LAMA1: variants seen among roughly 807,000 people sequenced by gnomAD.
LAMA1 encodes the protein laminin subunit alpha 1.
LAMA1 carries 219 observed loss-of-function variants against 348.7 expected under a neutral mutation model. That is an observed-to-expected ratio of 0.63 (90% CI 0.56 to 0.70). The LOEUF (loss-of-function observed/expected upper bound fraction) is 0.70. LAMA1 is among the 30% of genes least tolerant of loss of function. The pLI is 0.00. For missense variants in LAMA1, 3,744 were observed against 3,888.0 expected (o/e 0.96, Z 0.99); for synonymous variants, 1,487 against 1,491.0 (o/e 1.00, Z 0.06).
chr18:7,042,119 A>G (rs773297677), intron 9 of LAMA1, 26 bp downstream of exon 9: 2 of 1,485,590 alleles, frequency 1.3e-6, no homozygotes, highest in South Asian at 1.2e-5. Flanking sequence ...ATCAATTACA[A>G]GCACAAAAGT....
rs2143782613 is a variant in LAMA1, at chr18:7,080,091, T to C, written c.233-4A>G. On this transcript the variant is annotated splice_polypyrimidine_tract_variant and splice_region_variant and intron_variant, in intron 2 of 62. Transcript: ENST00000389658. ...GCATGTGATATTGGATGGCGTTCTG[T>C]TGAAAGAAAATAAAAAACATGAATT... is the stretch of plus-strand genomic sequence containing the variant. 1 of 1,610,226 alleles carries C rather than the reference T, an allele frequency of 6.2e-7. No homozygotes were observed. The highest frequency in any genetic ancestry group is 8.5e-7 in the Non-Finnish European group (1 of 1,176,578).
rs76618024 is a variant in LAMA1 at position 6,970,209 on chromosome 18, T to A, written c.6899+1648A>T. On this transcript the variant is annotated intron_variant, in intron 48 of 62. Coordinates refer to ENST00000389658, the MANE Select transcript of LAMA1 (RefSeq NM_005559.4). Reference sequence around the variant, plus strand: ...GAAGTTCCAGAGCAGGGTGTGTCATTACCTCACGAGGCAACAGCATTTTTT... The same window carrying A: ...GAAGTTCCAGAGCAGGGTGTGTCATAACCTCACGAGGCAACAGCATTTTTT... 4.3e-3 allele frequency among the ~76,000 whole-genome samples: 649 copies of A among 152,254 alleles called. 5 individuals are homozygous for A. Among genetic ancestry groups the A allele is most frequent in the African/African-American group, 0.015 (627 of 41,552 alleles).
rs943179280 is a variant in LAMA1 at position 6,947,230 on chromosome 18, T to C, written c.8777A>G (p.Asn2926Ser). The stretch of plus-strand genomic sequence containing the variant: ...AGTGCTGATCCCCAGGAGGACGCCA[T>C]TCTGCGAGGAGGTTCGAAACTCCAG... Reference protein sequence around the residue: ...ITLEFRTSSQNGVLLGISTAK... With the variant: ...ITLEFRTSSQSGVLLGISTAK... The change falls in exon 61 of 63, where the codon AAT becomes AGT. Residue 2926 changes from asparagine to serine, a missense_variant. Physicochemically the swap from Asn to Ser is conservative, Grantham distance 46 (BLOSUM62 1). Coordinates refer to ENST00000389658, the MANE Select transcript of LAMA1 (RefSeq NM_005559.4). The C allele has an allele frequency of 6.2e-7, 1 of 1,614,084 alleles. No individual in the cohort carries two copies. The highest frequency in any genetic ancestry group is 8.5e-7 in the Non-Finnish European group (1 of 1,180,046).
At position 7,008,573 on chromosome 18, in the gene LAMA1, G is replaced by T. The variant is rs753224762; in HGVS notation, c.4037C>A (p.Ala1346Asp). The change falls in exon 28 of 63, where the codon GCT (alanine) becomes GAT (aspartate). Residue 1346 changes from alanine to aspartate, a missense_variant. By Grantham distance (126) the Ala-to-Asp change is moderately radical (BLOSUM62 -2). This residue lies in a region of LAMA1 where 1,983 missense variants were observed against 1,934.3 expected (regional missense o/e 1.03). Coordinates refer to ENST00000389658, the MANE Select transcript of LAMA1 (RefSeq NM_005559.4). ...SDISMEVGRKAEKLHPEEEVA... is the reference protein window; with the variant it reads ...SDISMEVGRKDEKLHPEEEVA... ...CTCTTCTTCTGGGTGCAGCTTTTCA[G>T]CCTTTCTGCCAACCTCCATTGAAAT... 6.2e-7 allele frequency: 1 copy of T among 1,614,048 alleles called. No homozygotes were observed. Among genetic ancestry groups the T allele is most frequent in the Non-Finnish European group, 8.5e-7 (1 of 1,179,978 alleles).
chr18:6,975,165 C>G, intron 45 of LAMA1, 129 bp from the exon 46 acceptor site: 1 of 1,127,062 alleles, frequency 8.9e-7, no homozygotes. Flanking sequence ...AAAAGCAAAC[C>G]CCCCAAATCT....
In LAMA1 at chr18:6,952,062, T is replaced by C. The variant is rs370002710; in HGVS notation, c.8208-1091A>G. ...GGCTGGTGGGCCCACAAATCCTGAG[T>C]TCTAAGTGGAGGCCAGAGCTACACA... On this transcript the variant is annotated intron_variant, in intron 57 of 62. Transcript: ENST00000389658. Among the ~76,000 whole-genome samples the C allele has an allele frequency of 3.3e-5, 5 of 151,854 alleles. No homozygotes were observed. In the East Asian group the frequency reaches 5.8e-4, roughly 18 times the overall value.
intron 55 of LAMA1, 68 bp downstream of exon 55, chr18:6,958,409 G>A: frequency 6.6e-7 from 1 of 1,518,126 alleles, no homozygotes; most frequent in Non-Finnish European, 9.1e-7. Context: ...TGAGATTTCA[G>A]ATTAGTGTTA....
intron 3 of LAMA1, among the ~76,000 whole-genome samples, chr18:7,075,303 G>A (rs12458887): frequency 0.3 from 45,120 of 151,746 alleles, 7,992 homozygotes; most frequent in South Asian, 0.48. Flanking sequence ...GAAAAGAGGA[G>A]GGGGGGGAAG....
intron 1 of LAMA1, among the ~76,000 whole-genome samples, chr18:7,097,466 G>T: frequency 6.7e-6 from 1 of 149,432 alleles, no homozygotes; most frequent in African/African-American, 2.5e-5. Context: ...TGATCTGTAG[G>T]TTCCATCCAA....
chr18:6,977,116 C>T lies in LAMA1; in HGVS notation c.6345+611G>A, dbSNP rs146893126. The stretch of plus-strand genomic sequence containing the variant: ...GAAGTCCCCAATCACATGACGACTG[C>T]ACATTCTCTCAAAAGGAAACTTTTT... On this transcript the variant is annotated intron_variant, in intron 44 of 62. Coordinates refer to ENST00000389658, the MANE Select transcript of LAMA1 (RefSeq NM_005559.4). 9.9e-3 allele frequency among the ~76,000 whole-genome samples: 1,510 copies of T among 152,306 alleles called. 9 individuals carry two copies. The highest frequency in any genetic ancestry group is 0.034 in the Middle Eastern group (10 of 294).
At chr18:7,044,162 CAAAAAAAAAAA>C (rs60402984) in intron 7 of LAMA1, among the ~76,000 whole-genome samples, 2 of 40,196 alleles carry the variant, frequency 5.0e-5, no homozygotes, top group Non-Finnish European at 1.2e-4. Context: ...GACTCCATCT[CAAAAAAAAAAA>C]AAAAAAAAAA....
chr18:6,982,956 T>C, intron 40 of LAMA1, 143 bp downstream of exon 40: 1 of 1,074,534 alleles, frequency 9.3e-7, no homozygotes, highest in Non-Finnish European at 1.4e-6. Flanking sequence ...AAAACACAGA[T>C]CATATGATGA....
intron 52 of LAMA1, 38 bp downstream of exon 52, chr18:6,961,907 T>C (rs778223743): frequency 5.6e-5 from 89 of 1,581,268 alleles, no homozygotes; most frequent in South Asian, 1.8e-4. Context: ...TGGACACTTA[T>C]GGAAACTCAT....
At chr18:6,984,230 C>T (rs1480639160) in intron 39 of LAMA1, among the ~76,000 whole-genome samples, 6 of 152,158 alleles carry the variant, frequency 3.9e-5, no homozygotes, top group African/African-American at 1.2e-4. Context: ...CTATCTTATA[C>T]GATTTTTAAT....
At chr18:7,004,502 G>A (rs2057823417) in intron 29 of LAMA1, among the ~76,000 whole-genome samples, 1 of 152,118 alleles carries the variant, frequency 6.6e-6, no homozygotes, top group Non-Finnish European at 1.5e-5. Flanking sequence ...ACATGCATGA[G>A]CCACCACGCC....
At chr18:6,948,323 G>T in intron 60 of LAMA1, 80 bp downstream of exon 60, 1 of 1,573,290 alleles carries the variant, frequency 6.4e-7, no homozygotes, top group Non-Finnish European at 8.7e-7. Flanking sequence ...AGTGGGTCCT[G>T]TCTTATACTC....
Position 6,979,715 on chromosome 18 carries a change from C to G in LAMA1, c.6007+806G>C, listed in dbSNP as rs11876132. The stretch of plus-strand genomic sequence containing the variant: ...GAGATCGAGACCATCCTGGCTAACA[C>G]GGTGAAACCCCATCTCTACTAAAAA... On this transcript the variant is annotated intron_variant, in intron 42 of 62. Transcript: ENST00000389658. Among the ~76,000 whole-genome samples, 87 of 151,656 alleles carry G rather than the reference C, an allele frequency of 5.7e-4. 2 individuals carry two copies. In the South Asian group the frequency reaches 7.1e-3, roughly 12 times the overall value.
At chr18:7,117,217 G>C (rs1022379274) in intron 1 of LAMA1, among the ~76,000 whole-genome samples, 2 of 152,042 alleles carry the variant, frequency 1.3e-5, no homozygotes, top group African/African-American at 2.4e-5. Context: ...AGGGCGACTC[G>C]GGAGAGCTCT....
At position 6,943,132 on chromosome 18, in the gene LAMA1, C is replaced by G. The variant is rs1428675527; in HGVS notation, c.9067+48G>C. 2.6e-6 allele frequency: 4 copies of G among 1,524,584 alleles called. No homozygotes were observed. The East Asian group carries it at 9.0e-5, about 34-fold the overall frequency. 94.4% of individuals were successfully genotyped at this position (1,524,584 alleles called of 1,614,324 possible). On this transcript the variant is annotated intron_variant, in intron 62 of 62. Coordinates refer to ENST00000389658, the MANE Select transcript of LAMA1 (RefSeq NM_005559.4). ...ACATCCACCTGAACCAAGACTTCCT[C>G]CAGGGACAGTGCCCCTTTTGAGTGG...
Sources: allele counts gnomAD v4.1 joint callset (sites outside exome capture counted in the v4.1 genomes callset), GRCh38; gene constraint gnomAD v4.1.1; regional missense constraint gnomAD v4.1.1; transcripts MANE v1.5; gene names NCBI Gene and HGNC (gene_info 2026-07-23, HGNC 2026-07-21).